The following MMP20 variants were observed in gnomAD, a reference collection of about 807,000 sequenced individuals.
MMP20 encodes the protein matrix metallopeptidase 20.
A neutral mutation model predicts 51.8 loss-of-function variants in MMP20; 50 were observed. The observed-to-expected ratio is 0.97, with a 90% CI of 0.77 to 1.22. The LOEUF is 1.22. Among genes scored for constraint, MMP20 ranks in the 50% most tolerant of loss-of-function variants. MMP20 has a pLI of 0.00. For synonymous variants in MMP20, 244 were observed against 216.2 expected, an observed-to-expected ratio of 1.13 and a Z score of -1.13; for missense variants, 663 against 601.4, an observed-to-expected ratio of 1.10 and a Z score of -1.07.
chr11:102,609,275 C>A (rs1307555056), intron 4 of MMP20, among the ~76,000 whole-genome samples, 177 bp from the exon 5 acceptor site: 1 of 152,138 alleles, frequency 6.6e-6, no homozygotes, highest in Non-Finnish European at 1.5e-5. Context: ...TTTAATTCTT[C>A]CCCCCTTGGC....
intron 8 of MMP20, among the ~76,000 whole-genome samples, chr11:102,591,661 T>G (rs1859318796): frequency 6.6e-6 from 1 of 152,156 alleles, no homozygotes; most frequent in African/African-American, 2.4e-5. Context: ...TAGACCAACT[T>G]TTCGGTGAAT....
intron 6 of MMP20, among the ~76,000 whole-genome samples, chr11:102,595,418 T>A (rs1480928158): frequency 6.6e-6 from 1 of 152,168 alleles, no homozygotes; most frequent in Non-Finnish European, 1.5e-5. Flanking sequence ...CACCCCCCCA[T>A]TCCAAATATC....
Position 102,579,119 on chromosome 11 carries a change from AT to A in MMP20, c.1270del (p.Met424TrpfsTer16), listed in dbSNP as rs766352036. The A allele has an allele frequency of 9.9e-6, 16 of 1,613,094 alleles. No homozygotes were observed. Among genetic ancestry groups the A allele is most frequent in the Admixed American group, 1.7e-5 (1 of 59,998 alleles). Reference protein sequence around the residue: ...YYSYDERKRKMEKDYPKNTEE... With the variant: ...YYSYDERKRKXEKDYPKNTEE... ...AGTATTCTTTGGATAGTCTTTTTCC[AT>A]TTTCCTTTTCCTTTCGTCGTAGCTA... is the stretch of plus-strand genomic sequence containing the variant. On this transcript the variant is annotated frameshift_variant, in exon 9 of 10. Coordinates refer to ENST00000260228, the MANE Select transcript of MMP20 (RefSeq NM_004771.4). LOFTEE classifies it high-confidence loss of function.
intron 6 of MMP20, among the ~76,000 whole-genome samples, chr11:102,604,075 C>G (rs1331063904): frequency 6.7e-6 from 1 of 150,138 alleles, no homozygotes; most frequent in Non-Finnish European, 1.5e-5. Context: ...GAAATGGTAT[C>G]ATATGTCTGA....
chr11:102,619,647 G>T (rs1169848502), intron 1 of MMP20, among the ~76,000 whole-genome samples: 1 of 152,062 alleles, frequency 6.6e-6, no homozygotes, highest in Non-Finnish European at 1.5e-5. Flanking sequence ...TTCCTGCTTT[G>T]GTTGTCTCAC....
intron 8 of MMP20, among the ~76,000 whole-genome samples, chr11:102,586,759 G>A (rs1409268633): frequency 6.6e-6 from 1 of 152,028 alleles, no homozygotes; most frequent in Non-Finnish European, 1.5e-5. Context: ...GGAGCTTGCA[G>A]TGAGCCGAGA....
intron 7 of MMP20, among the ~76,000 whole-genome samples, chr11:102,594,047 C>T (rs113298063): frequency 6.6e-6 from 1 of 152,172 alleles, no homozygotes; most frequent in East Asian, 1.9e-4. Context: ...ATTGGCTCGC[C>T]ATTGTCACAA....
At chr11:102,623,330 G>T (rs1339627008) in intron 1 of MMP20, among the ~76,000 whole-genome samples, 1 of 152,232 alleles carries the variant, frequency 6.6e-6, no homozygotes, top group Non-Finnish European at 1.5e-5. Flanking sequence ...CACAGCAGGA[G>T]GTGAGTGGCG....
intron 6 of MMP20, among the ~76,000 whole-genome samples, chr11:102,599,368 G>C (rs1204740448): frequency 6.6e-6 from 1 of 152,150 alleles, no homozygotes; most frequent in Non-Finnish European, 1.5e-5. Context: ...CCTGAGATCA[G>C]GTGATGTGGT....
intron 6 of MMP20, among the ~76,000 whole-genome samples, chr11:102,595,428 C>G (rs1859370552): frequency 6.6e-6 from 1 of 152,172 alleles, no homozygotes; most frequent in Non-Finnish European, 1.5e-5. Context: ...TTCCAAATAT[C>G]ACTTGATACA....
rs548423673 is a variant in MMP20 at position 102,619,255 on chromosome 11, T to C, written c.127-2196A>G. Reference sequence around the variant, plus strand: ...ACTCCTCAGGGTTAAGCTCCATGTATAAGACCAGGTCCTCTGTGTCTCTGA... The same window carrying C: ...ACTCCTCAGGGTTAAGCTCCATGTACAAGACCAGGTCCTCTGTGTCTCTGA... On this transcript the variant is annotated intron_variant, in intron 1 of 9. Transcript: ENST00000260228. Among the ~76,000 whole-genome samples, 5 of 152,290 alleles carry C rather than the reference T, an allele frequency of 3.3e-5. No individual in the cohort carries two copies. The East Asian group carries it at 9.6e-4, about 29-fold the overall frequency.
chr11:102,608,354 T>C (rs1396263225), intron 5 of MMP20, among the ~76,000 whole-genome samples: 1 of 152,234 alleles, frequency 6.6e-6, no homozygotes. Context: ...TATTACCTTT[T>C]GGAAGAATAT....
In MMP20 at chr11:102,609,082, G is replaced by A. The variant is rs763757159; in HGVS notation, c.666C>T (p.Thr222=). Residue 222 remains threonine (T), a synonymous_variant, in exon 5 of 10, where the codon ACC becomes ACT. Coordinates refer to ENST00000260228, the MANE Select transcript of MMP20 (RefSeq NM_004771.4). ...TMGTNGFNLF[T]VAAHEFGHAL... ...CATGGCCAAATTCATGAGCAGCAAC[G>A]GTAAACAAATTAAAACCTAGACAAT... 33 of 1,613,926 alleles carry A rather than the reference G, an allele frequency of 2.0e-5. 1 individual carries two copies. Among genetic ancestry groups the A allele is most frequent in the Admixed American group, 1.3e-4 (8 of 59,992 alleles).
intron 8 of MMP20, among the ~76,000 whole-genome samples, chr11:102,583,304 C>T (rs1274620920): frequency 2.0e-5 from 3 of 152,322 alleles, no homozygotes; most frequent in Admixed American, 6.5e-5. Context: ...ATAGTTCTCT[C>T]TCTTATTTAA....
At chr11:102,622,579 C>G (rs1401389554) in intron 1 of MMP20, among the ~76,000 whole-genome samples, 1 of 151,928 alleles carries the variant, frequency 6.6e-6, no homozygotes, top group Admixed American at 6.5e-5. Context: ...TACTCCCTCA[C>G]CAGACCACTG....
chr11:102,623,941 A>G (rs867348806), intron 1 of MMP20, among the ~76,000 whole-genome samples: 5 of 152,254 alleles, frequency 3.3e-5, no homozygotes, highest in South Asian at 4.1e-4. Flanking sequence ...GGATCCCAGT[A>G]TCCTGAGTTA....
chr11:102,624,419 T>C (rs966700791), intron 1 of MMP20, among the ~76,000 whole-genome samples: 2 of 7,508 alleles, frequency 2.7e-4, no homozygotes, highest in Non-Finnish European at 7.9e-4. Flanking sequence ...TATATATATA[T>C]ATATATATAT....
intron 8 of MMP20, among the ~76,000 whole-genome samples, chr11:102,588,919 T>C (rs1020338009): frequency 4.6e-5 from 7 of 151,526 alleles, no homozygotes; most frequent in Non-Finnish European, 8.8e-5. Flanking sequence ...CCACTGCCTT[T>C]TGGCCTAACT....
chr11:102,577,036 C>T lies in MMP20; in HGVS notation c.*290G>A, dbSNP rs1000661731. ...GGAAATAAAAATCAAACGGATCAAT[C>T]TGCTTCAGTATATTAGGTAAGAAAA... On this transcript the variant is annotated 3_prime_UTR_variant, in exon 10 of 10. Coordinates refer to ENST00000260228, the MANE Select transcript of MMP20 (RefSeq NM_004771.4). The T allele has an allele frequency of 2.8e-6, 1 of 362,464 alleles. No homozygotes were observed. Among genetic ancestry groups the T allele is most frequent in the South Asian group, 2.7e-5 (1 of 36,774 alleles). The allele number at this position is 362,464 out of a possible 1,614,324, so 22.5% of individuals were successfully genotyped here. A position where few individuals can be genotyped will look rare whatever the true frequency, so the allele number is the denominator to read the frequency against.
Sources: gnomAD v4.1 joint callset for allele counts (sites outside exome capture counted in the v4.1 genomes callset) on GRCh38, gnomAD v4.1.1 for gene constraint, MANE v1.5 for transcripts, NCBI Gene and HGNC (gene_info 2026-07-23, HGNC 2026-07-21) for gene names.